The following DPH6 variants were observed in gnomAD, a reference collection of about 807,000 sequenced individuals.
The protein encoded by DPH6 is diphthine--ammonia ligase.
A neutral mutation model predicts 38.2 loss-of-function variants in DPH6; 33 were observed. The observed-to-expected ratio is 0.86, with a 90% CI of 0.65 to 1.15. DPH6 has a LOEUF of 1.15. Among genes scored for constraint, DPH6 ranks in the 50% most tolerant of loss-of-function variants. The pLI is 0.00. For missense variants in DPH6, 325 were observed against 320.0 expected, an observed-to-expected ratio of 1.02 and a Z score of -0.12; for synonymous variants, 108 against 103.0, an observed-to-expected ratio of 1.05 and a Z score of -0.30.
chr15:35,516,561 C>T (rs948289981), intron 3 of DPH6, among the ~76,000 whole-genome samples: 1 of 152,134 alleles, frequency 6.6e-6, no homozygotes, highest in Admixed American at 6.5e-5. Flanking sequence ...CTAGAGTCCC[C>T]ACTTATCCCT....
chr15:35,245,955 T>C (rs1201418555), intron 3 of DPH6, among the ~76,000 whole-genome samples: 1 of 152,162 alleles, frequency 6.6e-6, no homozygotes, highest in Non-Finnish European at 1.5e-5. Context: ...AACTGAAGAA[T>C]GACAAAAGAA....
In DPH6 at chr15:35,300,544, T is replaced by C. The variant is rs149915220; in HGVS notation, n.200+72977A>G. 3.2e-4 allele frequency among the ~76,000 whole-genome samples: 49 copies of C among 152,280 alleles called. No homozygotes were observed. The South Asian group carries it at 9.5e-3, about 30-fold the overall frequency. On this transcript the variant is annotated intron_variant and non_coding_transcript_variant, in intron 3 of 3. Transcript: ENST00000560386. ...CGGATGTAATGGACAAAAGAGAACA[T>C]GAAAAATGCCTATGTTTTTGGCTTG...
rs750045657 is a variant in DPH6, at chr15:35,381,929, A to T, written c.568-13T>A. ...ACTTCTTAGAAAGCTGAAAATAGGA[A>T]AACACAAAAAACAAGAAAGAAGTTT... On this transcript the variant is annotated splice_polypyrimidine_tract_variant and intron_variant, in intron 6 of 8. Coordinates refer to ENST00000256538, the MANE Select transcript of DPH6 (RefSeq NM_080650.4). The T allele has an allele frequency of 1.3e-5, 20 of 1,582,834 alleles. No homozygotes were observed. The highest frequency in any genetic ancestry group is 1.6e-5 in the Non-Finnish European group (19 of 1,156,642).
intron 6 of DPH6, among the ~76,000 whole-genome samples, chr15:35,390,202 G>A (rs1013435001): frequency 7.9e-5 from 12 of 152,262 alleles, no homozygotes; most frequent in South Asian, 6.2e-4. Flanking sequence ...GAATTCTGTC[G>A]AGATATCAGC....
At chr15:35,298,528 T>G (rs944941472) in intron 3 of DPH6, 3 of 779,162 alleles carry the variant, frequency 3.9e-6, no homozygotes, top group Non-Finnish European at 7.2e-6. Context: ...TGTTCCTTAG[T>G]AGGACCACTT....
chr15:35,316,524 G>C (rs2052189949), intron 3 of DPH6, among the ~76,000 whole-genome samples: 1 of 152,132 alleles, frequency 6.6e-6, no homozygotes, highest in East Asian at 1.9e-4. Flanking sequence ...GCTGAAGAGA[G>C]GCTTAGTGAT....
the DPH6 span, among the ~76,000 whole-genome samples, chr15:35,179,794 T>C: frequency 1.3e-5 from 2 of 152,176 alleles, no homozygotes; most frequent in Non-Finnish European, 2.9e-5. Flanking sequence ...ACCAGCTCTA[T>C]GCTGCAAAAC....
At chr15:35,348,650 A>G (rs62002862) in intron 3 of DPH6, among the ~76,000 whole-genome samples, 40,486 of 151,948 alleles carry the variant, frequency 0.27, 5,601 homozygotes, top group South Asian at 0.38. Flanking sequence ...CTTTTGAGAT[A>G]CCACATGAAC....
intron 3 of DPH6, among the ~76,000 whole-genome samples, chr15:35,344,606 A>AT (rs2045868891): frequency 6.6e-6 from 1 of 151,922 alleles, no homozygotes; most frequent in South Asian, 2.1e-4. Context: ...ATAAAATTGA[A>AT]TAAAAAAAGA....
chr15:35,295,453 T>C (rs373459907), intron 3 of DPH6, among the ~76,000 whole-genome samples: 3 of 152,336 alleles, frequency 2.0e-5, no homozygotes, highest in African/African-American at 7.2e-5. Context: ...CTGGAGGTAA[T>C]GTGTCTTCTC....
At chr15:35,319,585 A>T (rs756539613) in intron 3 of DPH6, among the ~76,000 whole-genome samples, 36 of 152,038 alleles carry the variant, frequency 2.4e-4, no homozygotes, top group Non-Finnish European at 4.7e-4. Context: ...CACTAAAAAT[A>T]CAAAAATTAG....
At chr15:35,454,884 C>A (rs960799523) in intron 3 of DPH6, 64 bp from the exon 4 acceptor site, 25 of 1,217,738 alleles carry the variant, frequency 2.1e-5, no homozygotes, top group Non-Finnish European at 2.7e-5. Context: ...ACATCATGCT[C>A]TGAAAATTAT....
the DPH6 span, among the ~76,000 whole-genome samples, chr15:35,198,192 A>AT: frequency 2.0e-5 from 3 of 150,838 alleles, no homozygotes; most frequent in South Asian, 2.1e-4. Context: ...TATTTTATTC[A>AT]TTTTTTTTCT....
intron 3 of DPH6, among the ~76,000 whole-genome samples, chr15:35,537,415 G>A (rs2055186051): frequency 6.6e-6 from 1 of 151,942 alleles, no homozygotes; most frequent in South Asian, 2.1e-4. Context: ...CGATTGTAAC[G>A]GACTGAATAA....
chr15:35,270,782 T>G (rs1379932276), intron 3 of DPH6, among the ~76,000 whole-genome samples: 1 of 152,204 alleles, frequency 6.6e-6, no homozygotes, highest in South Asian at 2.1e-4. Flanking sequence ...ATTCTCCTAA[T>G]AAGGAAATGA....
chr15:35,404,687 T>C (rs552113250), intron 6 of DPH6, among the ~76,000 whole-genome samples: 1 of 152,174 alleles, frequency 6.6e-6, no homozygotes, highest in Non-Finnish European at 1.5e-5. Context: ...GTCTCTGCAC[T>C]TTGTTGATTG....
At chr15:35,432,378 T>C (rs1458772285) in intron 5 of DPH6, among the ~76,000 whole-genome samples, 1 of 152,184 alleles carries the variant, frequency 6.6e-6, no homozygotes, top group East Asian at 1.9e-4. Context: ...ATACGTTTTT[T>C]AGATTCACAT....
At chr15:35,433,848 C>A (rs1397663726) in intron 5 of DPH6, among the ~76,000 whole-genome samples, 5 of 152,178 alleles carry the variant, frequency 3.3e-5, no homozygotes, top group African/African-American at 1.2e-4. Context: ...AAAAGCTCAA[C>A]AGGCTACAAT....
At chr15:35,189,132 CA>C in the DPH6 span, among the ~76,000 whole-genome samples, 17 of 152,082 alleles carry the variant, frequency 1.1e-4, no homozygotes, top group Non-Finnish European at 1.8e-4. Flanking sequence ...ATTCTTACTT[CA>C]AAAGTTGCAT....
Sources: allele counts gnomAD v4.1 joint callset (sites outside exome capture counted in the v4.1 genomes callset), GRCh38; gene constraint gnomAD v4.1.1; transcripts MANE v1.5; gene names NCBI Gene and HGNC (gene_info 2026-07-23, HGNC 2026-07-21).